Variants in DPYD observed in about 807,000 individuals in gnomAD.
DPYD encodes dihydropyrimidine dehydrogenase, also known as dihydropyrimidine dehydrogenase [NADP(+)].
A neutral mutation model predicts 116.2 loss-of-function variants in DPYD; 109 were observed. The observed-to-expected ratio is 0.94, with a 90% CI of 0.80 to 1.10. DPYD has a LOEUF of 1.10. Among genes scored for constraint, DPYD ranks in the 50% least tolerant of loss-of-function variants. The probability of loss-of-function intolerance (pLI) is 0.00; values close to 1 mark genes in which losing one functional copy is unlikely to be tolerated. For missense variants in DPYD, 1,302 were observed against 1,254.5 expected (o/e 1.04, Z -0.57); for synonymous variants, 440 against 432.0 (o/e 1.02, Z -0.23).
At chr1:97,910,348 T>C (rs1041852446) in intron 1 of DPYD, among the ~76,000 whole-genome samples, 1 of 152,060 alleles carries the variant, frequency 6.6e-6, no homozygotes, top group Non-Finnish European at 1.5e-5. Flanking sequence ...ATTCCTGTGT[T>C]TTAAAGAAGA....
chr1:97,475,180 T>C lies in DPYD; in HGVS notation c.1741-24957A>G, dbSNP rs138536378. On this transcript the variant is annotated intron_variant, in intron 13 of 22. Coordinates refer to ENST00000370192, the MANE Select transcript of DPYD (RefSeq NM_000110.4). The stretch of plus-strand genomic sequence containing the variant: ...TTGAATCTGATATATAGTTAGGCTA[T>C]AATATTAAATTAATGGGGAAATATG... 1.2e-3 allele frequency among the ~76,000 whole-genome samples: 176 copies of C among 152,256 alleles called. 3 individuals carry two copies. The highest frequency in any genetic ancestry group is 0.011 in the Admixed American group (168 of 15,296).
chr1:97,323,927 C>A lies in DPYD; in HGVS notation c.2059-17630G>T, dbSNP rs553768862. On this transcript the variant is annotated intron_variant, in intron 16 of 22. Coordinates refer to ENST00000370192, the MANE Select transcript of DPYD (RefSeq NM_000110.4). ...TGAAAAGAGGGTCTTACTCTTTCTA[C>A]TGTCTTGCAACCAAAAAACCAGTAC... 3.9e-5 allele frequency among the ~76,000 whole-genome samples: 6 copies of A among 151,950 alleles called. No individual in the cohort carries two copies. The South Asian group carries it at 1.0e-3, about 26-fold the overall frequency.
At chr1:97,907,855 T>A (rs536726569) in intron 1 of DPYD, among the ~76,000 whole-genome samples, 1 of 152,104 alleles carries the variant, frequency 6.6e-6, no homozygotes, top group South Asian at 2.1e-4. Flanking sequence ...AAACAGAAAT[T>A]TACTGCCTCA....
chr1:97,344,864 C>A (rs1669765544), intron 16 of DPYD, among the ~76,000 whole-genome samples: 1 of 151,828 alleles, frequency 6.6e-6, no homozygotes, highest in Non-Finnish European at 1.5e-5. Context: ...CCTGCTGGGA[C>A]TAAAAGTATA....
intron 20 of DPYD, among the ~76,000 whole-genome samples, chr1:97,156,349 A>G (rs1655456115): frequency 6.6e-6 from 1 of 152,058 alleles, no homozygotes; most frequent in Non-Finnish European, 1.5e-5. Flanking sequence ...ATGGGAGAAA[A>G]TTTTCGCAAC....
At chr1:97,717,726 T>C (rs916843317) in intron 5 of DPYD, among the ~76,000 whole-genome samples, 7 of 152,002 alleles carry the variant, frequency 4.6e-5, no homozygotes, top group Non-Finnish European at 1.0e-4. Flanking sequence ...TTACTTCATT[T>C]AGAAAAATGG....
rs539686170 is a variant in DPYD at position 97,350,308 on chromosome 1, T to C, written c.2058+23253A>G. Among the ~76,000 whole-genome samples, 45 of 152,328 alleles carry C rather than the reference T, an allele frequency of 3.0e-4. 1 individual carries two copies. In the South Asian group the frequency reaches 9.1e-3, roughly 31 times the overall value. ...AAAATGTCTTATTTAAACAGTTTTCTAATCTGAAGTTTAGTACTAATCTGA... is the reference window on the plus strand; with the variant it reads ...AAAATGTCTTATTTAAACAGTTTTCCAATCTGAAGTTTAGTACTAATCTGA... On this transcript the variant is annotated intron_variant, in intron 16 of 22. Transcript: ENST00000370192.
intron 3 of DPYD, among the ~76,000 whole-genome samples, chr1:97,753,477 T>C (rs1041211223): frequency 1.4e-4 from 22 of 152,206 alleles, no homozygotes; most frequent in Admixed American, 3.9e-4. Flanking sequence ...GTGGGGATCA[T>C]CATTTCATTT....
intron 3 of DPYD, among the ~76,000 whole-genome samples, chr1:97,741,835 G>A (rs1664286515): frequency 6.6e-6 from 1 of 152,102 alleles, no homozygotes; most frequent in Non-Finnish European, 1.5e-5. Flanking sequence ...ACAGATGAAA[G>A]ACAGTAGTCC....
chr1:97,404,901 T>C (rs943892612), intron 14 of DPYD, among the ~76,000 whole-genome samples: 2 of 151,990 alleles, frequency 1.3e-5, no homozygotes, highest in Non-Finnish European at 2.9e-5. Context: ...ATTTCATTAT[T>C]TTATGTGATT....
chr1:97,161,221 T>C (rs530431636), intron 20 of DPYD, among the ~76,000 whole-genome samples: 5 of 152,164 alleles, frequency 3.3e-5, no homozygotes, highest in Non-Finnish European at 5.9e-5. Flanking sequence ...TAAAGTGTCT[T>C]ACACAGTTAC....
chr1:97,119,427 T>C (rs902156847), intron 20 of DPYD, among the ~76,000 whole-genome samples: 1 of 152,122 alleles, frequency 6.6e-6, no homozygotes, highest in Admixed American at 6.6e-5. Flanking sequence ...AATGCTGGTG[T>C]GTGTGTGTGG....
In DPYD at chr1:97,195,674, A is replaced by G. The variant is rs192011432; in HGVS notation, c.2443-2426T>C. Among the ~76,000 whole-genome samples the G allele has an allele frequency of 1.1e-3, 86 of 79,712 alleles. 3 individuals are homozygous for G. The highest frequency in any genetic ancestry group is 0.01 in the South Asian group (28 of 2,692). 52.3% of individuals were successfully genotyped at this position (79,712 alleles called of 152,430 possible). On this transcript the variant is annotated intron_variant, in intron 19 of 22. Transcript: ENST00000370192. ...TATATATATATATATATATATATAT[A>G]TATATATATATATATGCCTAGGAGT...
At chr1:97,683,003 T>C (rs553206242) in intron 7 of DPYD, among the ~76,000 whole-genome samples, 61 of 152,168 alleles carry the variant, frequency 4.0e-4, no homozygotes, top group Non-Finnish European at 1.2e-4. Flanking sequence ...ATAATATGTA[T>C]TCATATACAT....
At chr1:97,551,664 C>T (rs943051095) in intron 11 of DPYD, among the ~76,000 whole-genome samples, 1 of 152,036 alleles carries the variant, frequency 6.6e-6, no homozygotes, top group Admixed American at 6.6e-5. Context: ...GTAGAGATTT[C>T]ATTCTATGCT....
At chr1:97,654,511 T>A (rs1032597126) in intron 8 of DPYD, among the ~76,000 whole-genome samples, 2 of 152,114 alleles carry the variant, frequency 1.3e-5, no homozygotes, top group African/African-American at 4.8e-5. Context: ...TAAAGTAATA[T>A]ATATTTCCAT....
chr1:97,875,745 T>G (rs534835084), intron 2 of DPYD, among the ~76,000 whole-genome samples: 1 of 152,024 alleles, frequency 6.6e-6, no homozygotes, highest in Admixed American at 6.6e-5. Context: ...TTAATTTTCC[T>G]AAGACACACA....
chr1:97,918,989 C>A (rs1558053643), intron 1 of DPYD, among the ~76,000 whole-genome samples: 1 of 152,190 alleles, frequency 6.6e-6, no homozygotes, highest in African/African-American at 2.4e-5. Flanking sequence ...CATTCTAATT[C>A]TTCAACACAA....
chr1:97,573,834 T>A lies in DPYD; in HGVS notation c.1265A>T (p.Asp422Val). Residue 422 changes from aspartate (D) to valine (V), a missense_variant, in exon 11 of 23, where the codon GAT becomes GTT. Coordinates refer to ENST00000370192, the MANE Select transcript of DPYD (RefSeq NM_000110.4). ...TTTCAGATGGACCATCTGATCTTCA[T>A]CTTCATTCCATTTTCCAGTTTCATC... ...EQDETGKWNE[D>V]EDQMVHLKAD... is the part of the protein sequence containing the mutation. 7.4e-6 allele frequency: 12 copies of A among 1,613,632 alleles called. No homozygotes were observed. The highest frequency in any genetic ancestry group is 1.0e-5 in the Non-Finnish European group (12 of 1,179,658).
Sources: gnomAD v4.1 joint callset for allele counts (sites outside exome capture counted in the v4.1 genomes callset) on GRCh38, gnomAD v4.1.1 for gene constraint, MANE v1.5 for transcripts, NCBI Gene and HGNC (gene_info 2026-07-23, HGNC 2026-07-21) for gene names.